CNST: variants seen among roughly 807,000 people sequenced by gnomAD.
CNST encodes the protein consortin, connexin sorting protein, also known as consortin.
A neutral mutation model predicts 72.4 loss-of-function variants in CNST; 39 were observed. The observed-to-expected ratio is 0.54, with a 90% CI of 0.42 to 0.70. The LOEUF (loss-of-function observed/expected upper bound fraction) is 0.70, where lower values mean the gene tolerates loss of function less well. Among genes scored for constraint, CNST ranks in the 30% least tolerant of loss-of-function variants. The pLI is 0.00. For missense variants in CNST, 871 were observed against 868.5 expected (o/e 1.00, Z -0.04); for synonymous variants, 332 against 320.1 (o/e 1.04, Z -0.40).
intron 2 of CNST, among the ~76,000 whole-genome samples, chr1:246,621,217 G>A (rs1664067940): frequency 6.6e-6 from 1 of 152,138 alleles, no homozygotes; most frequent in African/African-American, 2.4e-5. Flanking sequence ...TACTCTCCTA[G>A]CATCTAGAAG....
At chr1:246,577,957 A>C (rs1236209288) in intron 1 of CNST, among the ~76,000 whole-genome samples, 1 of 151,570 alleles carries the variant, frequency 6.6e-6, no homozygotes, top group Non-Finnish European at 1.5e-5. Flanking sequence ...GTTTCCTACC[A>C]GATAATACTT....
Position 246,647,310 on chromosome 1 carries a change from C to T in CNST, c.1109C>T (p.Thr370Met), listed in dbSNP as rs747936058. 36 of 1,614,046 alleles carry T rather than the reference C, an allele frequency of 2.2e-5. No individual in the cohort carries two copies. In the Middle Eastern group the frequency reaches 4.9e-4, roughly 22 times the overall value. ...GAGCTGCTCTGCAGCGCTGAAGCCA[C>T]GTTAGCGCTCCACACCCAGTCCTCC... The part of the protein sequence containing the change: ...MEELLCSAEA[T>M]LALHTQSSET... Residue 370 changes from threonine (T) to methionine (M), a missense_variant, in exon 9 of 11, where the codon ACG becomes ATG. Physicochemically the swap from Thr to Met is moderately conservative, Grantham distance 81. Coordinates refer to ENST00000366513, the MANE Select transcript of CNST (RefSeq NM_152609.3).
chr1:246,659,774 G>T (rs1339148071), intron 9 of CNST, among the ~76,000 whole-genome samples: 1 of 152,152 alleles, frequency 6.6e-6, no homozygotes, highest in African/African-American at 2.4e-5. Flanking sequence ...ATGTTCATTT[G>T]TTTAAAATTG....
chr1:246,627,930 A>ATATATATATATATATATATATATAT (rs1664543964), intron 3 of CNST, among the ~76,000 whole-genome samples: 1 of 151,558 alleles, frequency 6.6e-6, no homozygotes, highest in Non-Finnish European at 1.5e-5. Context: ...TTATATATAT[A>ATATATATATATATATATATATATAT]AAGGGGAGTT....
At chr1:246,615,726 A>C (rs1200359070) in intron 2 of CNST, among the ~76,000 whole-genome samples, 1 of 151,620 alleles carries the variant, frequency 6.6e-6, no homozygotes, top group African/African-American at 2.4e-5. Context: ...TAAAAATACA[A>C]AATTAGCCTG....
intron 1 of CNST, among the ~76,000 whole-genome samples, chr1:246,574,126 A>G (rs1000939444): frequency 2.6e-5 from 4 of 152,276 alleles, no homozygotes; most frequent in African/African-American, 4.8e-5. Flanking sequence ...TGCAAGCTCC[A>G]CTACTCCTGG....
chr1:246,624,034 G>C (rs1664262620), intron 3 of CNST, among the ~76,000 whole-genome samples: 1 of 152,220 alleles, frequency 6.6e-6, no homozygotes, highest in African/African-American at 2.4e-5. Context: ...CTGCACTCCA[G>C]CCTGGGTAAC....
At chr1:246,658,477 T>A (rs948014498) in intron 9 of CNST, among the ~76,000 whole-genome samples, 1 of 152,214 alleles carries the variant, frequency 6.6e-6, no homozygotes, top group Non-Finnish European at 1.5e-5. Context: ...TGTTGATTTT[T>A]TTTTTGAGAT....
In CNST at chr1:246,647,727, T is replaced by G. The variant is rs1167507125; in HGVS notation, c.1526T>G (p.Val509Gly). 1.9e-6 allele frequency: 3 copies of G among 1,614,172 alleles called. No homozygotes were observed. Among genetic ancestry groups the G allele is most frequent in the Non-Finnish European group, 2.5e-6 (3 of 1,180,016 alleles). Residue 509 changes from valine (V) to glycine (G), a missense_variant, in exon 9 of 11, where the codon GTG (valine) becomes GGG (glycine). Coordinates refer to ENST00000366513, the MANE Select transcript of CNST (RefSeq NM_152609.3). ...AQADSDGSEN[V>G]LCGNNQISDL... Reference sequence around the variant, plus strand: ...GCTGACTCAGACGGTTCTGAGAATGTGCTCTGTGGAAATAATCAAATATCT... The same window carrying G: ...GCTGACTCAGACGGTTCTGAGAATGGGCTCTGTGGAAATAATCAAATATCT...
chr1:246,579,799 A>G (rs890291509), intron 1 of CNST, among the ~76,000 whole-genome samples: 3 of 152,168 alleles, frequency 2.0e-5, no homozygotes, highest in Non-Finnish European at 4.4e-5. Flanking sequence ...AGCAGAGTAA[A>G]TAAAACAAAA....
At chr1:246,661,011 C>A (rs1389507044) in intron 10 of CNST, among the ~76,000 whole-genome samples, 4 of 151,758 alleles carry the variant, frequency 2.6e-5, no homozygotes, top group African/African-American at 9.7e-5. Context: ...GCTCTGTCAC[C>A]CAGGCTGGAT....
chr1:246,587,112 A>G (rs1661246824), intron 1 of CNST, among the ~76,000 whole-genome samples: 1 of 152,210 alleles, frequency 6.6e-6, no homozygotes. Flanking sequence ...TAAACTTAAA[A>G]CACTGATACT....
chr1:246,642,099 C>CAAGTGAT, intron 8 of CNST, 62 bp downstream of exon 8: 6 of 617,474 alleles, frequency 9.7e-6, no homozygotes, highest in Non-Finnish European at 1.6e-5. Flanking sequence ...TGATCTTTTA[C>CAAGTGAT]AAGTGATACA....
chr1:246,651,353 A>AC (rs1210537607), intron 9 of CNST, among the ~76,000 whole-genome samples: 5 of 151,396 alleles, frequency 3.3e-5, no homozygotes, highest in East Asian at 3.9e-4. Flanking sequence ...AGGTTCTCTT[A>AC]CTTCCCTCTT....
chr1:246,664,683 C>T (rs987820178), intron 10 of CNST, among the ~76,000 whole-genome samples: 2 of 152,076 alleles, frequency 1.3e-5, no homozygotes, highest in Non-Finnish European at 2.9e-5. Context: ...GCCTCAGCCT[C>T]CCAAAGTGCT....
chr1:246,618,506 T>G (rs964172757), intron 2 of CNST, among the ~76,000 whole-genome samples: 1 of 152,188 alleles, frequency 6.6e-6, no homozygotes, highest in Non-Finnish European at 1.5e-5. Flanking sequence ...GCTAACGTCT[T>G]CAGTGATTTA....
rs1667431426 is a variant in CNST at position 246,667,348 on chromosome 1, C to T, written c.*1443C>T. 6.6e-6 allele frequency: 1 copy of T among 152,130 alleles called. No individual in the cohort carries two copies. Among genetic ancestry groups the T allele is most frequent in the Non-Finnish European group, 1.5e-5 (1 of 68,026 alleles). 9.4% of individuals were successfully genotyped at this position (152,130 alleles called of 1,614,324 possible). A position where few individuals can be genotyped will look rare whatever the true frequency, so the allele number is the denominator to read the frequency against. On this transcript the variant is annotated 3_prime_UTR_variant, in exon 11 of 11. Transcript: ENST00000366513. ...AGTTGAAAGTGTGTTACTGCGCATG[C>T]ATTTGGTGATTCCAGTGCTAGATAT...
At chr1:246,601,637 A>G (rs151110440) in intron 2 of CNST, among the ~76,000 whole-genome samples, 1,707 of 152,030 alleles carry the variant, frequency 0.011, 16 homozygotes, top group Non-Finnish European at 0.017. Flanking sequence ...TCTACTAAAA[A>G]TGCAAAATTA....
At chr1:246,665,620 T>C (rs1400389658) in intron 10 of CNST, 80 bp from the exon 11 acceptor site, 2 of 1,159,002 alleles carry the variant, frequency 1.7e-6, no homozygotes, top group African/African-American at 1.5e-5. Flanking sequence ...TGTGTAGTTA[T>C]CTTAATTAGT....
Sources: allele counts gnomAD v4.1 joint callset (sites outside exome capture counted in the v4.1 genomes callset), GRCh38; gene constraint gnomAD v4.1.1; transcripts MANE v1.5; gene names NCBI Gene and HGNC (gene_info 2026-07-23, HGNC 2026-07-21).